PKNOX2: variants seen among roughly 807,000 people sequenced by gnomAD.
PKNOX2 encodes homeobox protein PKNOX2.
PKNOX2 carries 14 observed loss-of-function variants against 53.1 expected under a neutral mutation model. That is an observed-to-expected ratio of 0.26 (90% CI 0.17 to 0.41). The LOEUF (loss-of-function observed/expected upper bound fraction) is 0.41, where lower values mean the gene tolerates loss of function less well. PKNOX2 is among the 10% of genes least tolerant of loss of function. The pLI, the probability that PKNOX2 is intolerant of heterozygous loss-of-function variation, is 1.00. For synonymous variants in PKNOX2, 257 were observed against 242.8 expected (o/e 1.06, Z -0.54); for missense variants, 496 against 602.8 (o/e 0.82, Z 1.85).
intron 2 of PKNOX2, among the ~76,000 whole-genome samples, chr11:125,327,734 G>T (rs570559114): frequency 1.1e-3 from 163 of 152,198 alleles, no homozygotes; most frequent in Non-Finnish European, 1.8e-3. Context: ...ATTGCTGGCA[G>T]TGACAGGAAG....
chr11:125,228,455 A>C (rs1941914795), intron 1 of PKNOX2, among the ~76,000 whole-genome samples: 1 of 152,172 alleles, frequency 6.6e-6, no homozygotes, highest in Non-Finnish European at 1.5e-5. Flanking sequence ...TGCTATTATT[A>C]GGTCTTAGGT....
chr11:125,379,458 C>T (rs557610809), intron 5 of PKNOX2, among the ~76,000 whole-genome samples: 1 of 152,232 alleles, frequency 6.6e-6, no homozygotes, highest in South Asian at 2.1e-4. Flanking sequence ...ATAAGAGTTA[C>T]CAAGGAAGTT....
chr11:125,314,366 G>A (rs1276180300), intron 2 of PKNOX2, among the ~76,000 whole-genome samples: 1 of 152,140 alleles, frequency 6.6e-6, no homozygotes, highest in East Asian at 1.9e-4. Context: ...GATGGGTTGG[G>A]AGCCAGGGTG....
chr11:125,321,990 C>T (rs546299554), intron 2 of PKNOX2, among the ~76,000 whole-genome samples: 24 of 152,284 alleles, frequency 1.6e-4, no homozygotes, highest in African/African-American at 5.3e-4. Flanking sequence ...GGGCAGAGCC[C>T]TCATAAATTA....
intron 7 of PKNOX2, among the ~76,000 whole-genome samples, chr11:125,406,825 A>G (rs1009661864): frequency 6.7e-6 from 1 of 148,700 alleles, no homozygotes; most frequent in Non-Finnish European, 1.5e-5. Flanking sequence ...AGCGTGTACG[A>G]TCTTTGGGAC....
intron 1 of PKNOX2, among the ~76,000 whole-genome samples, chr11:125,205,290 C>T (rs541521627): frequency 5.3e-5 from 8 of 152,080 alleles, no homozygotes; most frequent in African/African-American, 1.7e-4. Context: ...GAGTCCCTTC[C>T]GGGGAGGTGG....
intron 2 of PKNOX2, among the ~76,000 whole-genome samples, chr11:125,315,331 C>A (rs1262359950): frequency 7.2e-6 from 1 of 138,704 alleles, no homozygotes; most frequent in Non-Finnish European, 1.6e-5. Flanking sequence ...AAAAAAAACA[C>A]CTCTCTCTGC....
chr11:125,237,388 C>G (rs1403708553), intron 2 of PKNOX2, among the ~76,000 whole-genome samples: 1 of 152,180 alleles, frequency 6.6e-6, no homozygotes, highest in Non-Finnish European at 1.5e-5. Context: ...CCCCCCTTCT[C>G]CATCTCTCCA....
At chr11:125,377,924 T>C (rs1385534058) in intron 5 of PKNOX2, among the ~76,000 whole-genome samples, 1 of 152,116 alleles carries the variant, frequency 6.6e-6, no homozygotes, top group Non-Finnish European at 1.5e-5. Context: ...CTGAAAAGGG[T>C]CTGAGGCCAC....
At chr11:125,182,834 T>A (rs12800906) in intron 1 of PKNOX2, among the ~76,000 whole-genome samples, 43,358 of 151,828 alleles carry the variant, frequency 0.29, 6,194 homozygotes, top group East Asian at 0.42. Context: ...AGGTATAGAT[T>A]GGAGAACTGC....
intron 2 of PKNOX2, among the ~76,000 whole-genome samples, chr11:125,249,763 G>A (rs528467261): frequency 5.3e-5 from 8 of 152,168 alleles, no homozygotes; most frequent in Admixed American, 3.3e-4. Context: ...GAACTGGGGC[G>A]ACAAAATTAA....
At chr11:125,194,023 C>T (rs1332534693) in intron 1 of PKNOX2, among the ~76,000 whole-genome samples, 1 of 152,214 alleles carries the variant, frequency 6.6e-6, no homozygotes, top group African/African-American at 2.4e-5. Context: ...GGAGCTATTC[C>T]AAGCTCTGAG....
intron 3 of PKNOX2, among the ~76,000 whole-genome samples, chr11:125,338,764 T>C (rs1950542065): frequency 6.6e-6 from 1 of 152,206 alleles, no homozygotes; most frequent in Non-Finnish European, 1.5e-5. Flanking sequence ...CTTCTCCTCC[T>C]CTTCTTCCAC....
chr11:125,350,617 G>A (rs1951246203), intron 3 of PKNOX2, among the ~76,000 whole-genome samples: 1 of 152,172 alleles, frequency 6.6e-6, no homozygotes. Flanking sequence ...ATAGTCACAA[G>A]CCCGAGTCTG....
rs902722336 is a variant in PKNOX2 at position 125,418,848 on chromosome 11, A to G, written c.936+6983A>G. ...GTCATTATTCCCTAAACAACACAGT[A>G]TAATAACTATTTATATAGCATTTAC... On this transcript the variant is annotated intron_variant, in intron 10 of 12. Transcript: ENST00000298282. Among the ~76,000 whole-genome samples, 4 of 152,182 alleles carry G rather than the reference A, an allele frequency of 2.6e-5. 1 individual carries two copies. The South Asian group carries it at 6.2e-4, about 24-fold the overall frequency.
chr11:125,379,333 G>C (rs2135329003), intron 5 of PKNOX2, among the ~76,000 whole-genome samples: 1 of 152,218 alleles, frequency 6.6e-6, no homozygotes, highest in East Asian at 1.9e-4. Flanking sequence ...AAGCGCTGGG[G>C]ATTACAGGCG....
intron 7 of PKNOX2, among the ~76,000 whole-genome samples, chr11:125,409,478 G>A (rs1955352586): frequency 6.6e-6 from 1 of 152,182 alleles, no homozygotes; most frequent in African/African-American, 2.4e-5. Flanking sequence ...AGGTGGCTGA[G>A]GCTCATATGA....
At chr11:125,383,948 C>A (rs1242725635) in intron 5 of PKNOX2, among the ~76,000 whole-genome samples, 1 of 151,882 alleles carries the variant, frequency 6.6e-6, no homozygotes, top group Non-Finnish European at 1.5e-5. Context: ...ACAAAAAAAA[C>A]AAAACAAAAC....
chr11:125,403,686 T>C (rs1954893024), intron 7 of PKNOX2, among the ~76,000 whole-genome samples: 1 of 152,174 alleles, frequency 6.6e-6, no homozygotes, highest in Non-Finnish European at 1.5e-5. Flanking sequence ...TTGTGACACA[T>C]GGGGAGAAGA....
Sources: gnomAD v4.1 joint callset for allele counts (sites outside exome capture counted in the v4.1 genomes callset) on GRCh38, gnomAD v4.1.1 for gene constraint, MANE v1.5 for transcripts, NCBI Gene and HGNC (gene_info 2026-07-23, HGNC 2026-07-21) for gene names.